Variants in GMDS observed in about 807,000 individuals in gnomAD.
GMDS encodes GDP-mannose 4,6 dehydratase.
In GMDS, 20 loss-of-function variants were observed where a neutral mutation model predicts 49.9. That is an observed-to-expected ratio of 0.40 (90% confidence interval 0.28 to 0.58). The LOEUF (loss-of-function observed/expected upper bound fraction) is 0.58, where lower values mean the gene tolerates loss of function less well. Ranked by LOEUF, GMDS falls within the 20% of genes least tolerant of loss-of-function variation. GMDS has a pLI of 0.42. For synonymous variants in GMDS, 177 were observed against 178.6 expected, an observed-to-expected ratio of 0.99 and a Z score of 0.07; for missense variants, 362 against 481.4, an observed-to-expected ratio of 0.75 and a Z score of 2.32.
chr6:2,230,930 T>TCCCCCCCCCCCCCCCCCCCCCC (rs797010185), intron 1 of GMDS, among the ~76,000 whole-genome samples: 7 of 14,540 alleles, frequency 4.8e-4, no homozygotes, highest in Non-Finnish European at 6.3e-4. Flanking sequence ...AGTATTCTCT[T>TCCCCCCCCCCCCCCCCCCCCCC]CCCCCCTCCC....
At chr6:2,184,665 A>G (rs1398511495) in intron 1 of GMDS, among the ~76,000 whole-genome samples, 2 of 152,328 alleles carry the variant, frequency 1.3e-5, no homozygotes, top group South Asian at 2.1e-4. Flanking sequence ...TTCATTGTCA[A>G]TCTGTCATAA....
intron 6 of GMDS, among the ~76,000 whole-genome samples, chr6:1,932,240 T>A (rs1205624606): frequency 6.6e-6 from 1 of 152,152 alleles, no homozygotes; most frequent in Non-Finnish European, 1.5e-5. Flanking sequence ...TTATGGCACC[T>A]CCAATGAGGG....
intron 7 of GMDS, among the ~76,000 whole-genome samples, chr6:1,906,906 G>T (rs568736906): frequency 6.6e-6 from 1 of 152,106 alleles, no homozygotes; most frequent in Non-Finnish European, 1.5e-5. Context: ...CAGGAAATGG[G>T]CAGAGAACCC....
At chr6:1,859,319 C>T (rs1036453533) in intron 7 of GMDS, among the ~76,000 whole-genome samples, 9 of 152,134 alleles carry the variant, frequency 5.9e-5, no homozygotes, top group Admixed American at 1.3e-4. Flanking sequence ...TTACTAAAAT[C>T]TGTTTCATGA....
At chr6:1,862,175 G>C (rs182469998) in intron 7 of GMDS, among the ~76,000 whole-genome samples, 1 of 152,164 alleles carries the variant, frequency 6.6e-6, no homozygotes, top group African/African-American at 2.4e-5. Context: ...CTGGGACTTC[G>C]CATTCTTCAT....
At chr6:2,097,172 G>C (rs1016613692) in intron 4 of GMDS, among the ~76,000 whole-genome samples, 1 of 152,072 alleles carries the variant, frequency 6.6e-6, no homozygotes, top group East Asian at 1.9e-4. Flanking sequence ...CCCAATGGAA[G>C]CTGTTACAGA....
chr6:1,904,949 A>C (rs1416627051), intron 7 of GMDS, among the ~76,000 whole-genome samples: 24 of 152,232 alleles, frequency 1.6e-4, no homozygotes, highest in Non-Finnish European at 1.5e-5. Flanking sequence ...ATGGTAGGAA[A>C]AATGTGTTGC....
chr6:1,960,481 A>G (rs1290906706), intron 5 of GMDS, among the ~76,000 whole-genome samples: 1 of 152,144 alleles, frequency 6.6e-6, no homozygotes, highest in Non-Finnish European at 1.5e-5. Context: ...AAAGAATCAC[A>G]TTGGGTCTGA....
chr6:1,969,881 CTGTT>C (rs367544723), intron 4 of GMDS, among the ~76,000 whole-genome samples: 144 of 152,286 alleles, frequency 9.5e-4, no homozygotes, highest in African/African-American at 3.3e-3. Context: ...GTTAAGGGCT[CTGTT>C]TGTTTTTTCT....
chr6:1,841,524 C>T (rs948085036), intron 7 of GMDS, among the ~76,000 whole-genome samples: 1 of 152,152 alleles, frequency 6.6e-6, no homozygotes, highest in Admixed American at 6.5e-5. Context: ...TAGAAATTAC[C>T]AACTCATTTT....
intron 7 of GMDS, among the ~76,000 whole-genome samples, chr6:1,818,073 C>T (rs1400166805): frequency 6.6e-6 from 1 of 152,054 alleles, no homozygotes; most frequent in African/African-American, 2.4e-5. Flanking sequence ...GTACAGAAGA[C>T]TGAACTATGC....
At chr6:1,916,332 G>A (rs941153943) in intron 7 of GMDS, among the ~76,000 whole-genome samples, 1 of 152,052 alleles carries the variant, frequency 6.6e-6, no homozygotes, top group Non-Finnish European at 1.5e-5. Flanking sequence ...AACCCTTCAC[G>A]TGCGGGGGTG....
chr6:2,083,746 T>A (rs1772849475), intron 4 of GMDS, among the ~76,000 whole-genome samples: 2 of 152,200 alleles, frequency 1.3e-5, no homozygotes, highest in South Asian at 4.1e-4. Context: ...CTACAGCTTA[T>A]TGGGTAAGTC....
chr6:1,949,264 A>G lies in GMDS; in HGVS notation c.643+10603T>C, dbSNP rs140853515. 4.4e-3 allele frequency among the ~76,000 whole-genome samples: 666 copies of G among 152,320 alleles called. 3 individuals carry two copies. The highest frequency in any genetic ancestry group is 0.015 in the African/African-American group (644 of 41,594). On this transcript the variant is annotated intron_variant, in intron 6 of 10. Transcript: ENST00000380815. ...CACTTTGCTCCATCAGGTGGGCGTT[A>G]TTAACCTCTCCATGTGCAGATGCAG...
chr6:2,061,718 CAAA>C (rs68037512), intron 4 of GMDS, among the ~76,000 whole-genome samples: 2 of 57,104 alleles, frequency 3.5e-5, no homozygotes, highest in Non-Finnish European at 3.1e-5. Context: ...GACTCTGTCT[CAAA>C]AAAAAAAAAA....
At chr6:1,802,345 A>C (rs1285476530) in intron 7 of GMDS, among the ~76,000 whole-genome samples, 1 of 152,010 alleles carries the variant, frequency 6.6e-6, no homozygotes, top group African/African-American at 2.4e-5. Context: ...CTGTGAGACC[A>C]AAAAAAATAA....
intron 6 of GMDS, among the ~76,000 whole-genome samples, chr6:1,932,638 C>T (rs1581382961): frequency 6.6e-6 from 1 of 150,938 alleles, no homozygotes; most frequent in African/African-American, 2.4e-5. Context: ...CCCGGGTTCA[C>T]GCCATTCTCC....
chr6:1,681,890 C>G (rs1405256841), intron 9 of GMDS, among the ~76,000 whole-genome samples: 2 of 152,164 alleles, frequency 1.3e-5, no homozygotes, highest in East Asian at 3.9e-4. Flanking sequence ...GAGACAAGGT[C>G]TTGCTATGTT....
At chr6:2,031,143 G>C (rs192226951) in intron 4 of GMDS, among the ~76,000 whole-genome samples, 1 of 152,204 alleles carries the variant, frequency 6.6e-6, no homozygotes, top group Non-Finnish European at 1.5e-5. Context: ...ACATCCTGAT[G>C]CAGTAGTTCT....
Sources: allele counts gnomAD v4.1 joint callset (sites outside exome capture counted in the v4.1 genomes callset), GRCh38; gene constraint gnomAD v4.1.1; transcripts MANE v1.5; gene names NCBI Gene and HGNC (gene_info 2026-07-23, HGNC 2026-07-21).